SMG7: variants seen among roughly 807,000 people sequenced by gnomAD.
SMG7 encodes SMG7 nonsense mediated mRNA decay factor.
Under a neutral mutation model 148.2 loss-of-function variants are expected in SMG7, and 34 were observed. The ratio of observed to expected loss-of-function variants is 0.23; its 90% CI spans 0.17 to 0.31. The LOEUF (loss-of-function observed/expected upper bound fraction) is 0.31, where lower values mean the gene tolerates loss of function less well. SMG7 is among the 10% of genes least tolerant of loss of function. The probability of loss-of-function intolerance (pLI) is 1.00; values close to 1 mark genes in which losing one functional copy is unlikely to be tolerated. For missense variants in SMG7, 1,114 were observed against 1,408.4 expected (o/e 0.79, Z 3.35); for synonymous variants, 492 against 515.1 (o/e 0.96, Z 0.61).
intron 1 of SMG7, among the ~76,000 whole-genome samples, chr1:183,475,556 T>G (rs534141773): frequency 2.6e-5 from 4 of 152,330 alleles, no homozygotes; most frequent in African/African-American, 7.2e-5. Context: ...AAAGTAAGGT[T>G]GTTAGAGCCT....
chr1:183,543,872 G>A (rs920928385), intron 14 of SMG7, among the ~76,000 whole-genome samples: 1 of 152,122 alleles, frequency 6.6e-6, no homozygotes, highest in Admixed American at 6.6e-5. Flanking sequence ...GTGGAAGGTG[G>A]ATGCCTGACT....
At chr1:183,490,895 C>G (rs1656792898) in intron 1 of SMG7, among the ~76,000 whole-genome samples, 1 of 152,202 alleles carries the variant, frequency 6.6e-6, no homozygotes, top group Non-Finnish European at 1.5e-5. Flanking sequence ...AAGCAATTCT[C>G]CTGCCTCAGC....
At position 183,553,453 on chromosome 1, in the gene SMG7, T is replaced by C. The variant is rs1388916794; in HGVS notation, c.*1522T>C. On this transcript the variant is annotated 3_prime_UTR_variant, in exon 23 of 23. Coordinates refer to ENST00000688051, the MANE Select transcript of SMG7 (RefSeq NM_001375584.1). ...TGTCCCAGAGGGGAGGGGTTGTGTG[T>C]GCGAGTGTATGGAGTTAGTGTGGAA... 4.4e-6 allele frequency: 2 copies of C among 457,566 alleles called. No homozygotes were observed. Among genetic ancestry groups the C allele is most frequent in the African/African-American group, 2.0e-5 (1 of 50,546 alleles). 28.3% of individuals were successfully genotyped at this position (457,566 alleles called of 1,614,324 possible).
rs149520503 is a variant in SMG7, at chr1:183,536,544, A to G, written c.1164-601A>G. ...CCAAGGACACAGTTAACAAATACATATATAGTACGTACTTCTGAATAGTGG... is the reference window on the plus strand; with the variant it reads ...CCAAGGACACAGTTAACAAATACATGTATAGTACGTACTTCTGAATAGTGG... On this transcript the variant is annotated intron_variant, in intron 10 of 22. Coordinates refer to ENST00000688051, the MANE Select transcript of SMG7 (RefSeq NM_001375584.1). Among the ~76,000 whole-genome samples the G allele has an allele frequency of 7.2e-5, 11 of 152,298 alleles. No homozygotes were observed. In the East Asian group the frequency reaches 2.1e-3, roughly 29 times the overall value.
At chr1:183,550,390 A>G (rs1339725933) in intron 20 of SMG7, among the ~76,000 whole-genome samples, 1 of 152,164 alleles carries the variant, frequency 6.6e-6, no homozygotes, top group Non-Finnish European at 1.5e-5. Flanking sequence ...TAAAATTGAG[A>G]TTTTTAACTT....
chr1:183,507,399 A>G (rs1661162987), intron 1 of SMG7, among the ~76,000 whole-genome samples: 1 of 152,002 alleles, frequency 6.6e-6, no homozygotes, highest in Admixed American at 6.6e-5. Context: ...TTTTTCTTAT[A>G]CTCTTGTGTA....
chr1:183,542,011 C>A, intron 13 of SMG7, 65 bp from the exon 14 acceptor site: 1 of 1,335,994 alleles, frequency 7.5e-7, no homozygotes, highest in African/African-American at 1.5e-5. Context: ...TGGATCCACA[C>A]ACAATTCAGT....
At chr1:183,506,174 C>T (rs143887404) in intron 1 of SMG7, among the ~76,000 whole-genome samples, 129 of 152,252 alleles carry the variant, frequency 8.5e-4, no homozygotes, top group Middle Eastern at 3.4e-3. Context: ...CTTTGAAATT[C>T]TCAGACCAGT....
In SMG7 at chr1:183,546,269, C is replaced by G; in HGVS notation, c.2674C>G (p.Arg892Gly). 1.2e-6 allele frequency: 2 copies of G among 1,613,970 alleles called. No homozygotes were observed. Among genetic ancestry groups the G allele is most frequent in the Non-Finnish European group, 1.7e-6 (2 of 1,179,952 alleles). Reference protein sequence around the residue: ...SVMAQQANIDRRGKRSPGVFR... With the variant: ...SVMAQQANIDGRGKRSPGVFR... ...AATGGCACAGCAAGCAAACATAGAC[C>G]GCAGGGGCAAACGGTCACCAGGAGT... The change falls in exon 17 of 23, where the codon CGC becomes GGC. Residue 892 changes from arginine to glycine, a missense_variant. Arg to Gly is a moderately radical substitution (Grantham distance 125). Coordinates refer to ENST00000688051, the MANE Select transcript of SMG7 (RefSeq NM_001375584.1).
intron 12 of SMG7, among the ~76,000 whole-genome samples, chr1:183,539,485 A>C (rs1029202484): frequency 1.3e-5 from 2 of 152,274 alleles, no homozygotes; most frequent in African/African-American, 4.8e-5. Flanking sequence ...CTGTTAATCA[A>C]ATCCATCCCT....
chr1:183,492,909 A>G (rs1384973851), intron 1 of SMG7, among the ~76,000 whole-genome samples: 1 of 152,134 alleles, frequency 6.6e-6, no homozygotes, highest in Non-Finnish European at 1.5e-5. Flanking sequence ...CATTTGGCTT[A>G]AAATATTTTC....
Position 183,553,460 on chromosome 1 carries a change from G to A in SMG7, c.*1529G>A. On this transcript the variant is annotated 3_prime_UTR_variant, in exon 23 of 23. Transcript: ENST00000688051. Reference sequence around the variant, plus strand: ...GAGGGGAGGGGTTGTGTGTGCGAGTGTATGGAGTTAGTGTGGAACTTAAGA... The same window carrying A: ...GAGGGGAGGGGTTGTGTGTGCGAGTATATGGAGTTAGTGTGGAACTTAAGA... 1 of 438,962 alleles carries A rather than the reference G, an allele frequency of 2.3e-6. No homozygotes were observed. Among genetic ancestry groups the A allele is most frequent in the South Asian group, 2.3e-5 (1 of 42,940 alleles). The allele number at this position is 438,962 out of a possible 1,614,324, so 27.2% of individuals were successfully genotyped here.
intron 1 of SMG7, among the ~76,000 whole-genome samples, chr1:183,491,851 C>T (rs1571811211): frequency 6.6e-6 from 1 of 152,178 alleles, no homozygotes; most frequent in African/African-American, 2.4e-5. Flanking sequence ...CTGGCAAGAG[C>T]CCAGTCTCTG....
intron 1 of SMG7, among the ~76,000 whole-genome samples, chr1:183,493,682 A>C (rs1657644028): frequency 6.6e-6 from 1 of 152,090 alleles, no homozygotes; most frequent in African/African-American, 2.4e-5. Context: ...CCCATGTTCA[A>C]GTGATTCTTG....
intron 18 of SMG7, chr1:183,548,902 C>T (rs12088950): frequency 2.9e-6 from 1 of 340,848 alleles, no homozygotes; most frequent in African/African-American, 2.1e-5. Context: ...CAACTATTGA[C>T]AAGGGGATTC....
chr1:183,490,726 C>T (rs1656739596), intron 1 of SMG7, among the ~76,000 whole-genome samples: 1 of 152,074 alleles, frequency 6.6e-6, no homozygotes, highest in Non-Finnish European at 1.5e-5. Context: ...TTTTGACAAA[C>T]ATATGCCCCT....
Position 183,529,511 on chromosome 1 carries a change from A to C in SMG7, c.821A>C (p.Glu274Ala). Residue 274 changes from glutamate to alanine, a missense_variant, in exon 8 of 23, where the codon GAG becomes GCG. This residue lies in a region of SMG7 where 216 missense variants were observed against 329.1 expected (regional missense o/e 0.66). Coordinates refer to ENST00000688051, the MANE Select transcript of SMG7 (RefSeq NM_001375584.1). ...KSLEKLSPLREKLEEQFKRLL... is the reference protein window; with the variant it reads ...KSLEKLSPLRAKLEEQFKRLL... Reference sequence around the variant, plus strand: ...TTGGAAAAGTTGAGCCCTCTTCGAGAGAAATTGGAAGAACAGTTTAAGGTT... The same window carrying C: ...TTGGAAAAGTTGAGCCCTCTTCGAGCGAAATTGGAAGAACAGTTTAAGGTT... 1 of 1,612,670 alleles carries C rather than the reference A, an allele frequency of 6.2e-7. No homozygotes were observed. Among genetic ancestry groups the C allele is most frequent in the Non-Finnish European group, 8.5e-7 (1 of 1,179,104 alleles).
intron 1 of SMG7, among the ~76,000 whole-genome samples, chr1:183,477,576 A>G (rs1306158699): frequency 7.1e-6 from 1 of 141,452 alleles, no homozygotes; most frequent in African/African-American, 2.7e-5. Flanking sequence ...GTATATATGC[A>G]TATATACGTG....
At chr1:183,509,885 A>G (rs1053623566) in intron 1 of SMG7, among the ~76,000 whole-genome samples, 1 of 152,192 alleles carries the variant, frequency 6.6e-6, no homozygotes, top group Non-Finnish European at 1.5e-5. Context: ...GTGTTTATCA[A>G]TGGAAGCCTG....
Sources: allele counts gnomAD v4.1 joint callset (sites outside exome capture counted in the v4.1 genomes callset), GRCh38; gene constraint gnomAD v4.1.1; regional missense constraint gnomAD v4.1.1; transcripts MANE v1.5; gene names NCBI Gene and HGNC (gene_info 2026-07-23, HGNC 2026-07-21).